CACNA1E: variants seen among roughly 807,000 people sequenced by gnomAD.
CACNA1E encodes the protein calcium voltage-gated channel subunit alpha1 E, also known as voltage-dependent R-type calcium channel subunit alpha-1E.
CACNA1E carries 40 observed loss-of-function variants against 259.2 expected under a neutral mutation model. That is an observed-to-expected ratio of 0.15 (90% CI 0.12 to 0.20). CACNA1E has a LOEUF of 0.20. Ranked by LOEUF, CACNA1E falls within the 10% of genes least tolerant of loss-of-function variation. The pLI is 1.00. For synonymous variants in CACNA1E, 1,104 were observed against 1,138.5 expected (o/e 0.97, Z 0.61); for missense variants, 1,874 against 3,040.1 (o/e 0.62, Z 9.02).
chr1:181,573,586 T>C (rs878887936), intron 3 of CACNA1E, among the ~76,000 whole-genome samples: 1 of 152,194 alleles, frequency 6.6e-6, no homozygotes, highest in African/African-American at 2.4e-5. Context: ...TTCAAGAATA[T>C]TACCATCTCA....
chr1:181,756,841 T>TA, intron 29 of CACNA1E, 84 bp from the exon 30 acceptor site: 1 of 936,812 alleles, frequency 1.1e-6, no homozygotes, highest in Admixed American at 2.0e-5. Context: ...AGAAGTCAGA[T>TA]AAAAAATTAT....
chr1:181,678,509 C>T (rs543721651), intron 7 of CACNA1E, among the ~76,000 whole-genome samples: 92 of 152,216 alleles, frequency 6.0e-4, no homozygotes, highest in Middle Eastern at 3.4e-3. Context: ...TGTATTGCTG[C>T]ACATCTATCT....
At chr1:181,627,989 T>TA (rs1376373877) in intron 6 of CACNA1E, among the ~76,000 whole-genome samples, 1 of 152,336 alleles carries the variant, frequency 6.6e-6, no homozygotes, top group East Asian at 1.9e-4. Flanking sequence ...GCTAGAGTTT[T>TA]AAAAAATAGG....
chr1:181,543,232 A>G (rs1668731513), intron 3 of CACNA1E, among the ~76,000 whole-genome samples: 1 of 152,138 alleles, frequency 6.6e-6, no homozygotes, highest in Non-Finnish European at 1.5e-5. Context: ...TTCTAATAAG[A>G]TCCCTGCTGA....
intron 2 of CACNA1E, among the ~76,000 whole-genome samples, chr1:181,425,549 G>A (rs1157549933): frequency 2.7e-5 from 2 of 73,950 alleles, no homozygotes; most frequent in African/African-American, 1.1e-4. Context: ...CCGACCCCAA[G>A]CAGAGTTAGA....
At chr1:181,403,665 A>G (rs1657260281) in intron 1 of CACNA1E, among the ~76,000 whole-genome samples, 1 of 152,188 alleles carries the variant, frequency 6.6e-6, no homozygotes, top group Non-Finnish European at 1.5e-5. Flanking sequence ...AATGTGGAGT[A>G]TTTAAAATCT....
At chr1:181,617,762 A>G (rs1246420685) in intron 6 of CACNA1E, among the ~76,000 whole-genome samples, 2 of 152,128 alleles carry the variant, frequency 1.3e-5, no homozygotes, top group Non-Finnish European at 2.9e-5. Context: ...AAAGAGCCCA[A>G]ATGACTCCTG....
intron 38 of CACNA1E, among the ~76,000 whole-genome samples, chr1:181,779,842 AC>A (rs1660273885): frequency 6.6e-6 from 1 of 151,824 alleles, no homozygotes; most frequent in African/African-American, 2.4e-5. Context: ...ACACACACAC[AC>A]ACACACAGGT....
At chr1:181,588,960 C>T (rs1056664202) in intron 6 of CACNA1E, among the ~76,000 whole-genome samples, 3 of 152,234 alleles carry the variant, frequency 2.0e-5, no homozygotes, top group African/African-American at 7.2e-5. Context: ...GTATATGGCA[C>T]ACTAGGAAAG....
At chr1:181,558,826 G>C (rs1402859569) in intron 3 of CACNA1E, among the ~76,000 whole-genome samples, 1 of 152,194 alleles carries the variant, frequency 6.6e-6, no homozygotes, top group African/African-American at 2.4e-5. Flanking sequence ...GAGGCAGAGA[G>C]AAACCAGTAG....
intron 7 of CACNA1E, among the ~76,000 whole-genome samples, chr1:181,706,956 A>G (rs1348204297): frequency 1.3e-5 from 2 of 152,234 alleles, no homozygotes; most frequent in African/African-American, 4.8e-5. Flanking sequence ...TATTTCTATA[A>G]TCTATGGAAT....
intron 1 of CACNA1E, chr1:181,413,048 TTCTC>T: frequency 6.5e-6 from 1 of 153,270 alleles, no homozygotes; most frequent in Non-Finnish European, 1.5e-5. Context: ...TTTCTTTCTC[TTCTC>T]TATTTCCCTG....
In CACNA1E at chr1:181,803,709, A is replaced by C. The variant is rs1457394082; in HGVS notation, c.*4875A>C. ...AAACAGAACTATCTTTGCTTTCCGG[A>C]GGCCATCTTTTTCTTTCCTTGAATC... On this transcript the variant is annotated 3_prime_UTR_variant, in exon 48 of 48. Coordinates refer to ENST00000367573, the MANE Select transcript of CACNA1E (RefSeq NM_001205293.3). The C allele has an allele frequency of 6.6e-6, 1 of 152,244 alleles. No individual in the cohort carries two copies. Among genetic ancestry groups the C allele is most frequent in the Non-Finnish European group, 1.5e-5 (1 of 68,090 alleles). 9.4% of individuals were successfully genotyped at this position (152,244 alleles called of 1,614,324 possible). A position where few individuals can be genotyped will look rare whatever the true frequency, so the allele number is the denominator to read the frequency against.
In CACNA1E at chr1:181,659,640, C is replaced by G. The variant is rs1647413071; in HGVS notation, c.1055+8199C>G. Among the ~76,000 whole-genome samples the G allele has an allele frequency of 3.9e-5, 6 of 152,230 alleles. No individual in the cohort carries two copies. The South Asian group carries it at 6.2e-4, about 16-fold the overall frequency. ...CAAAACCAGAGCAGGGACAGTCAGA[C>G]CAGAGACTGCTTCCATATACGTGTG... On this transcript the variant is annotated intron_variant, in intron 7 of 47. Transcript: ENST00000367573.
chr1:181,369,827 G>T (rs1157424281), intron 1 of CACNA1E, among the ~76,000 whole-genome samples: 1 of 152,144 alleles, frequency 6.6e-6, no homozygotes, highest in Non-Finnish European at 1.5e-5. Flanking sequence ...TAGGCTCAAG[G>T]GTACATGTTC....
chr1:181,536,611 G>T (rs1425063892), intron 3 of CACNA1E, among the ~76,000 whole-genome samples: 1 of 152,100 alleles, frequency 6.6e-6, no homozygotes, highest in Non-Finnish European at 1.5e-5. Context: ...AGTTTTTGGT[G>T]ATTCTTGATT....
chr1:181,737,106 T>G (rs949748534), intron 22 of CACNA1E, among the ~76,000 whole-genome samples: 1 of 152,250 alleles, frequency 6.6e-6, no homozygotes, highest in African/African-American at 2.4e-5. Flanking sequence ...AACTCATTAC[T>G]GCTTTCGTCA....
chr1:181,791,465 T>G (rs546746380), intron 44 of CACNA1E, among the ~76,000 whole-genome samples: 1 of 152,212 alleles, frequency 6.6e-6, no homozygotes, highest in East Asian at 1.9e-4. Flanking sequence ...AGAGCAAGAC[T>G]CCGTCTCAAA....
chr1:181,721,449 C>T (rs1334428281), intron 15 of CACNA1E, among the ~76,000 whole-genome samples: 1 of 152,134 alleles, frequency 6.6e-6, no homozygotes, highest in Non-Finnish European at 1.5e-5. Flanking sequence ...AATGACCAGA[C>T]CACCTGATCT....
Sources: allele counts gnomAD v4.1 joint callset (sites outside exome capture counted in the v4.1 genomes callset), GRCh38; gene constraint gnomAD v4.1.1; transcripts MANE v1.5; gene names NCBI Gene and HGNC (gene_info 2026-07-23, HGNC 2026-07-21).